PDE3A: variants seen among roughly 807,000 people sequenced by gnomAD.
PDE3A encodes the protein cGMP-inhibited 3',5'-cyclic phosphodiesterase 3A.
In PDE3A, 43 loss-of-function variants were observed where a neutral mutation model predicts 98.3. That is an observed-to-expected ratio of 0.44 (90% confidence interval 0.34 to 0.56). PDE3A has a LOEUF of 0.56. Among genes scored for constraint, PDE3A ranks in the 20% least tolerant of loss-of-function variants. The pLI is 0.01. For missense variants in PDE3A, 1,427 were observed against 1,440.7 expected, an observed-to-expected ratio of 0.99 and a Z score of 0.15; for synonymous variants, 663 against 567.9, an observed-to-expected ratio of 1.17 and a Z score of -2.38.
At chr12:20,427,376 T>G (rs1383037011) in intron 1 of PDE3A, among the ~76,000 whole-genome samples, 1 of 152,238 alleles carries the variant, frequency 6.6e-6, no homozygotes, top group Non-Finnish European at 1.5e-5. Context: ...GGAAGTGTAT[T>G]AATGGGAAAT....
intron 15 of PDE3A, among the ~76,000 whole-genome samples, chr12:20,661,006 T>G (rs1945156735): frequency 6.6e-6 from 1 of 152,140 alleles, no homozygotes; most frequent in Non-Finnish European, 1.5e-5. Context: ...TAGTTTGGAA[T>G]TTTCTAGAGA....
intron 1 of PDE3A, among the ~76,000 whole-genome samples, chr12:20,388,062 G>A (rs1943844343): frequency 6.6e-6 from 1 of 151,978 alleles, no homozygotes; most frequent in African/African-American, 2.4e-5. Flanking sequence ...ATAAAGAAAT[G>A]TATTCCTTTG....
chr12:20,455,284 C>T (rs1425280501), intron 1 of PDE3A, among the ~76,000 whole-genome samples: 1 of 152,054 alleles, frequency 6.6e-6, no homozygotes, highest in Non-Finnish European at 1.5e-5. Context: ...TGTTCATGTT[C>T]TTTGCCCACT....
chr12:20,642,414 T>C (rs573273637), intron 10 of PDE3A, among the ~76,000 whole-genome samples: 31 of 152,298 alleles, frequency 2.0e-4, no homozygotes, highest in African/African-American at 7.5e-4. Context: ...CAATCAAACT[T>C]AGGATAAATT....
At chr12:20,577,037 T>C (rs1296920491) in intron 2 of PDE3A, among the ~76,000 whole-genome samples, 1 of 152,056 alleles carries the variant, frequency 6.6e-6, no homozygotes, top group East Asian at 1.9e-4. Flanking sequence ...TACCACTGTA[T>C]TAGAAGTACT....
In PDE3A at chr12:20,448,442, CA is replaced by C. The variant is rs368388684; in HGVS notation, c.960+78199del. Among the ~76,000 whole-genome samples, 55 of 152,148 alleles carry C rather than the reference CA, an allele frequency of 3.6e-4. 2 individuals are homozygous for C. The East Asian group carries it at 0.01, about 29-fold the overall frequency. ...GGCAACAAGAGCGAAACTCTGTCTC[CA>C]GGGGGAAATATTAGTGAAGAGGACA... On this transcript the variant is annotated intron_variant, in intron 1 of 15. Transcript: ENST00000359062.
intron 1 of PDE3A, among the ~76,000 whole-genome samples, chr12:20,436,656 C>A (rs1944783603): frequency 6.6e-6 from 1 of 152,150 alleles, no homozygotes; most frequent in Non-Finnish European, 1.5e-5. Flanking sequence ...ATAAGGGCTG[C>A]CTTACTCTGC....
intron 2 of PDE3A, among the ~76,000 whole-genome samples, chr12:20,598,265 C>T (rs1354636728): frequency 6.6e-6 from 1 of 151,840 alleles, no homozygotes; most frequent in Non-Finnish European, 1.5e-5. Context: ...TCACTGCAAC[C>T]TCCGCCTCCT....
rs1395530850 is a variant in PDE3A at position 20,684,815 on chromosome 12, T to C, written c.*4544T>C. Among the ~76,000 whole-genome samples the C allele has an allele frequency of 1.3e-5, 2 of 152,204 alleles. No homozygotes were observed. The highest frequency in any genetic ancestry group is 1.3e-4 in the Admixed American group (2 of 15,266). On this transcript the variant is annotated 3_prime_UTR_variant, in exon 16 of 16. Coordinates refer to ENST00000359062, the MANE Select transcript of PDE3A (RefSeq NM_000921.5). ...ATCTGGAAGATATTCAAATTCTTAT[T>C]GGGAATGAATTACACTACAAACAAT... is the stretch of plus-strand genomic sequence containing the variant.
chr12:20,368,978 T>A lies in PDE3A; in HGVS notation c.-307T>A, dbSNP rs1413549170. 6.6e-6 allele frequency among the ~76,000 whole-genome samples: 1 copy of A among 152,042 alleles called. No homozygotes were observed. Among genetic ancestry groups the A allele is most frequent in the Non-Finnish European group, 1.5e-5 (1 of 67,992 alleles). On this transcript the variant is annotated 5_prime_UTR_variant, in exon 1 of 16. Coordinates refer to ENST00000359062, the MANE Select transcript of PDE3A (RefSeq NM_000921.5). ...TCGGGGGTGGGGGTGGAGCAGAGAA[T>A]CTGTGAAAGATATTCAAAGAGAGAA...
intron 1 of PDE3A, among the ~76,000 whole-genome samples, chr12:20,531,575 TGTCTTATAC>T (rs1444785702): frequency 2.6e-5 from 4 of 152,190 alleles, no homozygotes; most frequent in African/African-American, 4.8e-5. Flanking sequence ...TAGCCTATCC[TGTCTTATAC>T]GTTTCTGTGA....
chr12:20,405,964 TGTAA>T (rs902054833), intron 1 of PDE3A, among the ~76,000 whole-genome samples: 7 of 152,178 alleles, frequency 4.6e-5, no homozygotes, highest in African/African-American at 1.7e-4. Context: ...AGATTCCACA[TGTAA>T]GTGAGATCAT....
intron 1 of PDE3A, among the ~76,000 whole-genome samples, chr12:20,416,550 C>T (rs1041149349): frequency 6.6e-6 from 1 of 152,162 alleles, no homozygotes; most frequent in African/African-American, 2.4e-5. Flanking sequence ...CTAAAGTTTG[C>T]AGTTACTTTA....
chr12:20,429,063 CAAAGTAA>C (rs1337475615), intron 1 of PDE3A, among the ~76,000 whole-genome samples: 4 of 152,146 alleles, frequency 2.6e-5, no homozygotes, highest in African/African-American at 9.7e-5. Context: ...ACACTTAACA[CAAAGTAA>C]ACATAGTTCA....
intron 1 of PDE3A, among the ~76,000 whole-genome samples, chr12:20,506,099 G>GGTGTGTGTGTGT (rs56148951): frequency 2.7e-5 from 4 of 148,906 alleles, no homozygotes; most frequent in African/African-American, 9.9e-5. Context: ...TCTAAAGGAA[G>GGTGTGTGTGTGT]GTGTGTGTGT....
intron 5 of PDE3A, among the ~76,000 whole-genome samples, chr12:20,627,339 T>C (rs1944287699): frequency 6.6e-6 from 1 of 152,040 alleles, no homozygotes; most frequent in Non-Finnish European, 1.5e-5. Context: ...ACCAACCTAA[T>C]AAAACTTTGC....
chr12:20,637,342 A>T, intron 9 of PDE3A, 105 bp downstream of exon 9: 1 of 767,014 alleles, frequency 1.3e-6, no homozygotes, highest in Non-Finnish European at 2.0e-6. Flanking sequence ...TGTTATGTGG[A>T]GAAAGGAAGT....
chr12:20,541,535 T>C (rs1464438198), intron 1 of PDE3A, among the ~76,000 whole-genome samples: 3 of 152,202 alleles, frequency 2.0e-5, no homozygotes, highest in East Asian at 1.9e-4. Context: ...AAGTACCTGG[T>C]TAATTATTTC....
intron 2 of PDE3A, among the ~76,000 whole-genome samples, chr12:20,579,255 C>T (rs189161876): frequency 1.4e-4 from 22 of 152,284 alleles, no homozygotes; most frequent in Non-Finnish European, 2.4e-4. Flanking sequence ...GGATTTATAA[C>T]GGGTGTGGTG....
Sources: allele counts gnomAD v4.1 joint callset (sites outside exome capture counted in the v4.1 genomes callset), GRCh38; gene constraint gnomAD v4.1.1; transcripts MANE v1.5; gene names NCBI Gene and HGNC (gene_info 2026-07-23, HGNC 2026-07-21).